The following NKX6-3 variants were observed in gnomAD, a reference collection of about 807,000 sequenced individuals.
The protein encoded by NKX6-3 is homeobox protein Nkx-6.3.
NKX6-3 carries 17 observed loss-of-function variants against 22.0 expected under a neutral mutation model. That is an observed-to-expected ratio of 0.77 (90% CI 0.53 to 1.16). NKX6-3 has a LOEUF of 1.16. NKX6-3 is among the 50% of genes most tolerant of loss of function. The pLI is 0.00. For synonymous variants in NKX6-3, 177 were observed against 167.2 expected (o/e 1.06, Z -0.45); for missense variants, 363 against 359.0 (o/e 1.01, Z -0.09).
rs1318965651 is a variant in NKX6-3, at chr8:41,650,271, G to T, written c.222C>A (p.Tyr74Ter). 2.6e-6 allele frequency: 4 copies of T among 1,533,806 alleles called. No individual in the cohort carries two copies. Among genetic ancestry groups the T allele is most frequent in the Non-Finnish European group, 3.5e-6 (4 of 1,145,730 alleles). The stretch of plus-strand genomic sequence containing the variant: ...GCCCCCCAAAGCCTGCCACGTGGGG[G>T]TAGCCGGAGAGGAGGCTGTTGTTCG... Reference protein sequence around the residue: ...AAPNNSLLSGYPHVAGFGGLS... With the variant: ...AAPNNSLLSG Residue 74 changes from tyrosine to a stop codon, truncating the protein, a stop_gained, in exon 1 of 3, where the codon TAC becomes TAA. Transcript: ENST00000518699. LOFTEE classifies it high-confidence loss of function.
chr8:41,647,989 C>A, intron 2 of NKX6-3, 77 bp downstream of exon 2: 1 of 1,348,140 alleles, frequency 7.4e-7, no homozygotes, highest in South Asian at 1.4e-5. Flanking sequence ...TGTGTGGCCA[C>A]CTCTCTCCAA....
Position 41,650,095 on chromosome 8 carries a change from GA to G in NKX6-3, c.382+15del, listed in dbSNP as rs1483141823. The G allele has an allele frequency of 3.9e-6, 6 of 1,522,380 alleles. No individual in the cohort carries two copies. Among genetic ancestry groups the G allele is most frequent in the Non-Finnish European group, 5.3e-6 (6 of 1,139,756 alleles). The allele number at this position is 1,522,380 out of a possible 1,614,324, so 94.3% of individuals were successfully genotyped here. On this transcript the variant is annotated intron_variant, in intron 1 of 2. Coordinates refer to ENST00000518699, the MANE Select transcript of NKX6-3 (RefSeq NM_001364841.2). ...TGGCGGGTGCCGGGAGGTGGCTGGG[GA>G]GGACCCGTACTCACTGTTGCTGCAC...
In NKX6-3 at chr8:41,646,007, C is replaced by A. The variant is rs1002434519; in HGVS notation, c.*442G>T. The A allele has an allele frequency of 6.6e-5, 14 of 212,506 alleles. No homozygotes were observed. The highest frequency in any genetic ancestry group is 9.3e-5 in the Non-Finnish European group (10 of 108,004). 13.2% of individuals were successfully genotyped at this position (212,506 alleles called of 1,614,324 possible). A position where few individuals can be genotyped will look rare whatever the true frequency, so the allele number is the denominator to read the frequency against. ...GGACTTCTGACTCCCCAGCCAGCTG[C>A]CTCCCTCCCTGGGAAGTCCTGCCCA... On this transcript the variant is annotated 3_prime_UTR_variant, in exon 3 of 3. Transcript: ENST00000518699.
Position 41,650,651 on chromosome 8 carries a change from C to T in NKX6-3, c.-159G>A. ...CATGGGCCAGGCCCTGGCCCAGGAA[C>T]CGGCACCCGATCAGCTGCTCGGAAG... On this transcript the variant is annotated 5_prime_UTR_variant, in exon 1 of 3. Coordinates refer to ENST00000518699, the MANE Select transcript of NKX6-3 (RefSeq NM_001364841.2). 1.4e-6 allele frequency: 1 copy of T among 692,484 alleles called. No homozygotes were observed. Among genetic ancestry groups the T allele is most frequent in the Admixed American group, 3.1e-5 (1 of 32,646 alleles). 42.9% of individuals were successfully genotyped at this position (692,484 alleles called of 1,614,324 possible). A position where few individuals can be genotyped will look rare whatever the true frequency, so the allele number is the denominator to read the frequency against.
Position 41,650,502 on chromosome 8 carries a change from G to A in NKX6-3, c.-10C>T. 6.5e-7 allele frequency: 1 copy of A among 1,534,988 alleles called. No individual in the cohort carries two copies. The highest frequency in any genetic ancestry group is 1.2e-5 in the South Asian group (1 of 83,718). ...GCAGGTTGGACTCCATGATCTCCCA[G>A]TCAGGACAGGGAAGGCTTCTCCAGG... On this transcript the variant is annotated 5_prime_UTR_variant, in exon 1 of 3. Coordinates refer to ENST00000518699, the MANE Select transcript of NKX6-3 (RefSeq NM_001364841.2).
At chr8:41,648,589 C>T (rs1401083937) in intron 1 of NKX6-3, among the ~76,000 whole-genome samples, 1 of 152,232 alleles carries the variant, frequency 6.6e-6, no homozygotes, top group Non-Finnish European at 1.5e-5. Flanking sequence ...TCAGGTCACC[C>T]TCCTCCTATA....
chr8:41,648,239 G>A lies in NKX6-3; in HGVS notation c.383-4C>T. ...CTGTCACTCAGGGGGTCTGGGGCTG[G>A]CAGGAGGAAGGAAGTGTGGGGTTAG... On this transcript the variant is annotated splice_region_variant and splice_polypyrimidine_tract_variant and intron_variant, in intron 1 of 2. Coordinates refer to ENST00000518699, the MANE Select transcript of NKX6-3 (RefSeq NM_001364841.2). 1 of 1,532,672 alleles carries A rather than the reference G, an allele frequency of 6.5e-7. No homozygotes were observed. 94.9% of individuals were successfully genotyped at this position (1,532,672 alleles called of 1,614,324 possible).
chr8:41,649,904 C>T (rs995153181), intron 1 of NKX6-3, among the ~76,000 whole-genome samples: 1 of 152,044 alleles, frequency 6.6e-6, no homozygotes. Context: ...GGGGGTGGCT[C>T]AGACACCTGT....
intron 2 of NKX6-3, among the ~76,000 whole-genome samples, chr8:41,647,528 A>T (rs888307467): frequency 7.2e-5 from 11 of 152,226 alleles, no homozygotes; most frequent in African/African-American, 2.7e-4. Flanking sequence ...GTGGGCGACA[A>T]GGCTCCAGGC....
Position 41,650,393 on chromosome 8 carries a change from A to G in NKX6-3, c.100T>C (p.Ser34Pro). Residue 34 changes from serine (S) to proline (P), a missense_variant, in exon 1 of 3, where the codon TCC (serine) becomes CCC (proline). Transcript: ENST00000518699. ...CCTGGGGGGCTGAGCTTGTAGAAGG[A>G]GTTCTGCACAGAGTACTGGCACACC... ...APVCQYSVQN[S>P]FYKLSPPGLG... is the part of the protein sequence containing the mutation. 2 of 1,535,488 alleles carry G rather than the reference A, an allele frequency of 1.3e-6. No homozygotes were observed. The highest frequency in any genetic ancestry group is 1.7e-6 in the Non-Finnish European group (2 of 1,146,560).
chr8:41,646,973 T>TCTCCTC (rs564371119), intron 2 of NKX6-3, among the ~76,000 whole-genome samples: 1 of 71,044 alleles, frequency 1.4e-5, no homozygotes, highest in Admixed American at 1.6e-4. Context: ...TCCTCCTCCT[T>TCTCCTC]CTCCTCCTCC....
rs1465388622 is a variant in NKX6-3 at position 41,650,398 on chromosome 8, T to G, written c.95A>C (p.Gln32Pro). The change falls in exon 1 of 3, where the codon CAG becomes CCG. Residue 32 changes from glutamine (Q) to proline (P), a missense_variant. Gln to Pro is a moderately conservative substitution (Grantham distance 76, BLOSUM62 -1). Around this residue, in one of 3 missense-constraint regions of NKX6-3, gnomAD observed 175 missense variants for 160.9 expected, o/e 1.09. Coordinates refer to ENST00000518699, the MANE Select transcript of NKX6-3 (RefSeq NM_001364841.2). ...GGGGCTGAGCTTGTAGAAGGAGTTCTGCACAGAGTACTGGCACACCGGGGC... is the reference window on the plus strand; with the variant it reads ...GGGGCTGAGCTTGTAGAAGGAGTTCGGCACAGAGTACTGGCACACCGGGGC... Reference protein sequence around the residue: ...MKAPVCQYSVQNSFYKLSPPG... With the variant: ...MKAPVCQYSVPNSFYKLSPPG... 1 of 1,535,748 alleles carries G rather than the reference T, an allele frequency of 6.5e-7. No homozygotes were observed. Among genetic ancestry groups the G allele is most frequent in the African/African-American group, 1.4e-5 (1 of 73,150 alleles).
chr8:41,647,424 G>T, intron 2 of NKX6-3: 2 of 1,441,002 alleles, frequency 1.4e-6, no homozygotes, highest in Non-Finnish European at 1.8e-6. Context: ...ACTCTAAGGC[G>T]GTAGAAACCG....
rs1302561111 is a variant in NKX6-3, at chr8:41,650,215, T to C, written c.278A>G (p.Gln93Arg). 6.5e-7 allele frequency: 1 copy of C among 1,533,934 alleles called. No individual in the cohort carries two copies. Among genetic ancestry groups the C allele is most frequent in the African/African-American group, 1.4e-5 (1 of 72,952 alleles). ...LSSQGVYYSP[Q>R]VGNFSKAGNE... ...CCCAGCCTTGGAAAAATTCCCTACC[T>C]GGGGGCTGTAGTAGACCCCCTGCGA... The change falls in exon 1 of 3, where the codon CAG becomes CGG. Residue 93 changes from glutamine to arginine, a missense_variant. Gln to Arg is a conservative substitution (Grantham distance 43). Coordinates refer to ENST00000518699, the MANE Select transcript of NKX6-3 (RefSeq NM_001364841.2).
rs1221354829 is a variant in NKX6-3 at position 41,650,625 on chromosome 8, G to T, written c.-133C>A. On this transcript the variant is annotated 5_prime_UTR_variant, in exon 1 of 3. Coordinates refer to ENST00000518699, the MANE Select transcript of NKX6-3 (RefSeq NM_001364841.2). ...AGCTCCTGACTGCCTCCCACCTAAG[G>T]CATGGGCCAGGCCCTGGCCCAGGAA... The T allele has an allele frequency of 6.5e-6, 6 of 926,886 alleles. No individual in the cohort carries two copies. The highest frequency in any genetic ancestry group is 9.4e-6 in the Non-Finnish European group (6 of 635,078). 57.4% of individuals were successfully genotyped at this position (926,886 alleles called of 1,614,324 possible).
intron 2 of NKX6-3, chr8:41,647,466 G>A (rs1585694946): frequency 8.6e-7 from 1 of 1,161,338 alleles, no homozygotes; most frequent in Non-Finnish European, 1.2e-6. Context: ...GGGCATTTGG[G>A]GCCCCTGCGT....
At chr8:41,649,378 C>A (rs1804270438) in intron 1 of NKX6-3, among the ~76,000 whole-genome samples, 1 of 152,190 alleles carries the variant, frequency 6.6e-6, no homozygotes, top group Non-Finnish European at 1.5e-5. Context: ...TCCAAAAACT[C>A]TCACCTCCCT....
At chr8:41,648,547 A>C (rs924462288) in intron 1 of NKX6-3, among the ~76,000 whole-genome samples, 1 of 152,214 alleles carries the variant, frequency 6.6e-6, no homozygotes, top group African/African-American at 2.4e-5. Flanking sequence ...GAGGGGCAAC[A>C]GGAGTTCCCT....
intron 1 of NKX6-3, among the ~76,000 whole-genome samples, chr8:41,649,507 C>G (rs908572612): frequency 8.5e-5 from 13 of 152,220 alleles, no homozygotes; most frequent in African/African-American, 2.9e-4. Context: ...AGGCCCCCTG[C>G]TTCCCCACAG....
Sources: allele counts gnomAD v4.1 joint callset (sites outside exome capture counted in the v4.1 genomes callset), GRCh38; gene constraint gnomAD v4.1.1; regional missense constraint gnomAD v4.1.1; transcripts MANE v1.5; gene names NCBI Gene and HGNC (gene_info 2026-07-23, HGNC 2026-07-21).